MALRD1: variants seen among roughly 807,000 people sequenced by gnomAD.
MALRD1 encodes the protein MAM and LDL receptor class A domain containing 1, also known as MAM and LDL-receptor class A domain-containing protein 1.
A neutral mutation model predicts 242.1 loss-of-function variants in MALRD1; 247 were observed. That is an observed-to-expected ratio of 1.02 (90% CI 0.92 to 1.13). The LOEUF is 1.13. MALRD1 is among the 50% of genes most tolerant of loss of function. The pLI is 0.00. For synonymous variants in MALRD1, 995 were observed against 866.6 expected (o/e 1.15, Z -2.60); for missense variants, 2,989 against 2,533.1 (o/e 1.18, Z -3.86).
intron 36 of MALRD1, among the ~76,000 whole-genome samples, chr10:19,677,949 T>G (rs866729499): frequency 2.0e-5 from 3 of 152,180 alleles, no homozygotes; most frequent in Non-Finnish European, 2.9e-5. Context: ...GCTAGTTTTT[T>G]GTCAGGTTTG....
chr10:19,157,715 C>T (rs1437036297), intron 12 of MALRD1, among the ~76,000 whole-genome samples: 2 of 152,106 alleles, frequency 1.3e-5, no homozygotes, highest in African/African-American at 2.4e-5. Context: ...AGTGAGATAA[C>T]CAGTGTGGGG....
intron 24 of MALRD1, among the ~76,000 whole-genome samples, chr10:19,341,961 C>T (rs1843901304): frequency 6.6e-6 from 1 of 151,904 alleles, no homozygotes. Flanking sequence ...GTGTTCACAT[C>T]TTGACTGCCC....
intron 5 of MALRD1, among the ~76,000 whole-genome samples, chr10:19,106,302 T>C (rs919393352): frequency 1.4e-4 from 21 of 151,846 alleles, no homozygotes; most frequent in Non-Finnish European, 2.7e-4. Flanking sequence ...AGCCATCAGG[T>C]TCTGGGTTGT....
At chr10:19,417,437 T>A (rs1360018503) in intron 28 of MALRD1, among the ~76,000 whole-genome samples, 1 of 152,184 alleles carries the variant, frequency 6.6e-6, no homozygotes, top group East Asian at 1.9e-4. Flanking sequence ...CATTTTGTAT[T>A]TTTCAACTTG....
intron 32 of MALRD1, among the ~76,000 whole-genome samples, chr10:19,548,168 T>A (rs1835325825): frequency 6.6e-6 from 1 of 151,136 alleles, no homozygotes; most frequent in Non-Finnish European, 1.5e-5. Flanking sequence ...CCTGGCTAAT[T>A]TTGTATTTTT....
intron 18 of MALRD1, among the ~76,000 whole-genome samples, chr10:19,224,565 A>G (rs1837705169): frequency 6.6e-6 from 1 of 152,226 alleles, no homozygotes; most frequent in Admixed American, 6.5e-5. Flanking sequence ...TGATGGGATT[A>G]CAGGCGTGAG....
chr10:19,618,351 T>C (rs1189055199), intron 36 of MALRD1, among the ~76,000 whole-genome samples: 1 of 152,080 alleles, frequency 6.6e-6, no homozygotes, highest in Non-Finnish European at 1.5e-5. Context: ...ATATACCCAG[T>C]AATGGGATTG....
At chr10:19,377,636 A>AT (rs1379842842) in intron 26 of MALRD1, among the ~76,000 whole-genome samples, 4 of 90,926 alleles carry the variant, frequency 4.4e-5, no homozygotes, top group Non-Finnish European at 9.4e-5. Flanking sequence ...CTCAGTCATA[A>AT]TTATTTTTTT....
At chr10:19,306,172 G>C (rs1349692641) in intron 21 of MALRD1, among the ~76,000 whole-genome samples, 1 of 120,244 alleles carries the variant, frequency 8.3e-6, no homozygotes, top group African/African-American at 3.1e-5. Flanking sequence ...ATACTATACA[G>C]AATTGGTTGA....
At chr10:19,512,536 A>G (rs370062409) in intron 31 of MALRD1, among the ~76,000 whole-genome samples, 9 of 152,222 alleles carry the variant, frequency 5.9e-5, no homozygotes, top group African/African-American at 2.2e-4. Context: ...CTTCAAGAAT[A>G]CCCCATAAAA....
intron 23 of MALRD1, among the ~76,000 whole-genome samples, chr10:19,330,476 C>T (rs891851245): frequency 4.6e-5 from 7 of 151,990 alleles, no homozygotes; most frequent in South Asian, 2.1e-4. Context: ...CTTGTTAACT[C>T]GCCTCCAATT....
At chr10:19,104,223 A>T in intron 5 of MALRD1, 148 bp downstream of exon 5, 1 of 437,184 alleles carries the variant, frequency 2.3e-6, no homozygotes, top group Non-Finnish European at 3.8e-6. Flanking sequence ...TATAACAGTG[A>T]CTGGATCTAT....
chr10:19,148,785 AAAAATAT>A (rs202051784), intron 11 of MALRD1, among the ~76,000 whole-genome samples: 1,652 of 79,926 alleles, frequency 0.021, 19 homozygotes, highest in South Asian at 0.046. Context: ...AAAAAAAAAA[AAAAATAT>A]ATATATATAT....
chr10:19,290,032 A>G (rs188295758), intron 21 of MALRD1, among the ~76,000 whole-genome samples: 51 of 152,334 alleles, frequency 3.3e-4, no homozygotes, highest in Non-Finnish European at 2.8e-4. Flanking sequence ...TGAAACAATA[A>G]AAAGTCTAAA....
chr10:19,116,469 C>T lies in MALRD1; in HGVS notation c.695-7023C>T, dbSNP rs142031373. ...TTTAAGAGACAGTAACTGTTCCTTC[C>T]TTGAAATCCACTACAAATAAGGATA... On this transcript the variant is annotated intron_variant, in intron 5 of 39. Coordinates refer to ENST00000454679, the MANE Select transcript of MALRD1 (RefSeq NM_001142308.3). 8.9e-3 allele frequency among the ~76,000 whole-genome samples: 1,352 copies of T among 152,188 alleles called. 22 individuals are homozygous for T. The highest frequency in any genetic ancestry group is 0.031 in the African/African-American group (1,294 of 41,522).
chr10:19,474,537 C>A (rs1233381003), intron 29 of MALRD1, among the ~76,000 whole-genome samples: 1 of 152,060 alleles, frequency 6.6e-6, no homozygotes, highest in East Asian at 1.9e-4. Flanking sequence ...CTTCTGCCAT[C>A]CTTTTCATTC....
intron 21 of MALRD1, among the ~76,000 whole-genome samples, chr10:19,288,672 G>A (rs1182657422): frequency 6.6e-6 from 1 of 152,040 alleles, no homozygotes; most frequent in Non-Finnish European, 1.5e-5. Context: ...CAGTTCTGTT[G>A]TGTGCCCAAG....
At chr10:19,210,974 A>G (rs1837025825) in intron 18 of MALRD1, among the ~76,000 whole-genome samples, 1 of 152,226 alleles carries the variant, frequency 6.6e-6, no homozygotes, top group Non-Finnish European at 1.5e-5. Context: ...CCACAAACAT[A>G]AGATACATGT....
At chr10:19,429,898 C>T (rs1293289086) in intron 28 of MALRD1, among the ~76,000 whole-genome samples, 1 of 152,080 alleles carries the variant, frequency 6.6e-6, no homozygotes, top group Non-Finnish European at 1.5e-5. Flanking sequence ...CTTTAAGATT[C>T]CTGCCCTGAC....
Sources: gnomAD v4.1 joint callset for allele counts (sites outside exome capture counted in the v4.1 genomes callset) on GRCh38, gnomAD v4.1.1 for gene constraint, MANE v1.5 for transcripts, NCBI Gene and HGNC (gene_info 2026-07-23, HGNC 2026-07-21) for gene names.